SYN3: variants seen among roughly 807,000 people sequenced by gnomAD.
SYN3 encodes the protein synapsin III.
SYN3 carries 35 observed loss-of-function variants against 65.8 expected under a neutral mutation model. The ratio of observed to expected loss-of-function variants is 0.53; its 90% CI spans 0.41 to 0.70. The LOEUF (loss-of-function observed/expected upper bound fraction) is 0.70, where lower values mean the gene tolerates loss of function less well. Among genes scored for constraint, SYN3 ranks in the 30% least tolerant of loss-of-function variants. The pLI is 0.00. For missense variants in SYN3, 680 were observed against 749.0 expected (o/e 0.91, Z 1.08); for synonymous variants, 270 against 292.9 (o/e 0.92, Z 0.80).
intron 5 of SYN3, among the ~76,000 whole-genome samples, chr22:32,868,600 C>A (rs137490): frequency 0.22 from 33,927 of 151,366 alleles, 4,335 homozygotes; most frequent in East Asian, 0.5. Context: ...TACAGACATG[C>A]GCCACCATGC....
chr22:32,952,895 C>A (rs1038967252), intron 3 of SYN3, among the ~76,000 whole-genome samples: 3 of 152,226 alleles, frequency 2.0e-5, no homozygotes, highest in South Asian at 2.1e-4. Context: ...TGCTGTACAA[C>A]TTTGGGCAAG....
intron 6 of SYN3, among the ~76,000 whole-genome samples, chr22:32,776,561 G>T (rs550127483): frequency 1.3e-5 from 2 of 152,284 alleles, no homozygotes; most frequent in East Asian, 3.9e-4. Context: ...GCCAGGCTTT[G>T]AATGAAGGGT....
chr22:32,769,515 TTTG>T (rs150889738), intron 6 of SYN3, among the ~76,000 whole-genome samples: 88,599 of 135,778 alleles, frequency 0.65, 27,748 homozygotes, highest in African/African-American at 0.71. Flanking sequence ...GACTTCTGTG[TTTG>T]TTTTTTTTTT....
chr22:32,805,469 G>A (rs1354197051), intron 6 of SYN3, among the ~76,000 whole-genome samples: 3 of 152,156 alleles, frequency 2.0e-5, no homozygotes, highest in East Asian at 1.9e-4. Context: ...TTGGAGAGGC[G>A]CCAGCACTTG....
chr22:32,947,276 A>C (rs1332424045), intron 3 of SYN3, among the ~76,000 whole-genome samples: 1 of 152,214 alleles, frequency 6.6e-6, no homozygotes, highest in Non-Finnish European at 1.5e-5. Flanking sequence ...CCTAACTGTC[A>C]TCAAAGAAAT....
At chr22:32,678,517 T>C (rs1325810429) in intron 6 of SYN3, among the ~76,000 whole-genome samples, 2 of 152,044 alleles carry the variant, frequency 1.3e-5, no homozygotes, top group African/African-American at 4.8e-5. Flanking sequence ...AGATCATCCT[T>C]GTCGTTGAAA....
chr22:32,883,822 A>G (rs970985272), intron 4 of SYN3, among the ~76,000 whole-genome samples: 5 of 152,214 alleles, frequency 3.3e-5, no homozygotes, highest in Non-Finnish European at 7.3e-5. Context: ...AAGTTTGATG[A>G]GGGGAATAAG....
chr22:32,513,658 G>A lies in SYN3; in HGVS notation c.*34C>T, dbSNP rs1054933. The A allele has an allele frequency of 6.2e-7, 1 of 1,610,920 alleles. No individual in the cohort carries two copies. On this transcript the variant is annotated 3_prime_UTR_variant, in exon 14 of 14. Transcript: ENST00000358763. ...ATGAGGCAGGAGGGGGACGAGTGTAGCAGAGCACTCTTCCCCTCCCAGCCT... is the reference window on the plus strand; with the variant it reads ...ATGAGGCAGGAGGGGGACGAGTGTAACAGAGCACTCTTCCCCTCCCAGCCT...
At chr22:32,883,691 G>A (rs770238876) in intron 4 of SYN3, among the ~76,000 whole-genome samples, 23 of 152,360 alleles carry the variant, frequency 1.5e-4, no homozygotes, top group Admixed American at 5.2e-4. Flanking sequence ...TTTAAAAAAA[G>A]ATAGCTGCTA....
At chr22:32,918,369 C>T (rs1006255618) in intron 4 of SYN3, among the ~76,000 whole-genome samples, 2 of 152,154 alleles carry the variant, frequency 1.3e-5, no homozygotes, top group African/African-American at 4.8e-5. Context: ...AGGGCTGGTG[C>T]ATTCCTTCAT....
At chr22:32,994,443 A>G (rs1012678339) in intron 2 of SYN3, among the ~76,000 whole-genome samples, 1 of 152,132 alleles carries the variant, frequency 6.6e-6, no homozygotes, top group Non-Finnish European at 1.5e-5. Context: ...AACTCCCTTC[A>G]TTAGGCCCTT....
chr22:32,794,390 G>C (rs1476731022), intron 6 of SYN3, among the ~76,000 whole-genome samples: 1 of 152,130 alleles, frequency 6.6e-6, no homozygotes, highest in Non-Finnish European at 1.5e-5. Flanking sequence ...TTGGTTTGCT[G>C]AGCTCTTAGG....
chr22:32,704,932 C>T (rs570837968), intron 6 of SYN3, among the ~76,000 whole-genome samples: 2 of 152,228 alleles, frequency 1.3e-5, no homozygotes, highest in East Asian at 3.9e-4. Flanking sequence ...CATTTAAGTT[C>T]CTTATAGATG....
intron 9 of SYN3, among the ~76,000 whole-genome samples, chr22:32,537,276 C>G (rs1448845288): frequency 1.1e-4 from 16 of 152,136 alleles, no homozygotes; most frequent in Non-Finnish European, 1.5e-5. Context: ...TCTCCTGCCT[C>G]AGCCTCCCGA....
At chr22:32,818,997 T>C (rs984893559) in intron 6 of SYN3, among the ~76,000 whole-genome samples, 3 of 152,212 alleles carry the variant, frequency 2.0e-5, no homozygotes, top group Non-Finnish European at 4.4e-5. Context: ...TCTGACACAG[T>C]TATAAATAAC....
At chr22:32,603,838 A>G (rs1428064822) in intron 6 of SYN3, among the ~76,000 whole-genome samples, 1 of 152,204 alleles carries the variant, frequency 6.6e-6, no homozygotes, top group Non-Finnish European at 1.5e-5. Context: ...TCCCGCTCAC[A>G]TGCCCTGGGC....
chr22:32,690,596 C>T (rs1266232862), intron 6 of SYN3, among the ~76,000 whole-genome samples: 5 of 152,114 alleles, frequency 3.3e-5, no homozygotes, highest in South Asian at 2.1e-4. Context: ...TCTCAATGCC[C>T]CCAGTTTACT....
At chr22:32,917,643 G>GGTCAGCGGGGCGCA (rs2146616441) in intron 4 of SYN3, among the ~76,000 whole-genome samples, 1 of 152,322 alleles carries the variant, frequency 6.6e-6, no homozygotes, top group East Asian at 1.9e-4. Flanking sequence ...AAGTGCACAG[G>GGTCAGCGGGGCGCA]GTCAGCGGGG....
At chr22:32,816,118 C>A (rs2047082312) in intron 6 of SYN3, among the ~76,000 whole-genome samples, 2 of 152,068 alleles carry the variant, frequency 1.3e-5, no homozygotes, top group Admixed American at 6.5e-5. Context: ...CCAAGTTAAG[C>A]AGGGTGGGAA....
Sources: gnomAD v4.1 joint callset for allele counts (sites outside exome capture counted in the v4.1 genomes callset) on GRCh38, gnomAD v4.1.1 for gene constraint, MANE v1.5 for transcripts, NCBI Gene and HGNC (gene_info 2026-07-23, HGNC 2026-07-21) for gene names.